The following VSTM2L variants were observed in gnomAD, a reference collection of about 807,000 sequenced individuals.
VSTM2L encodes V-set and transmembrane domain containing 2 like, also known as V-set and transmembrane domain-containing protein 2-like protein.
Under a neutral mutation model 19.9 loss-of-function variants are expected in VSTM2L, and 9 were observed. That is an observed-to-expected ratio of 0.45 (90% confidence interval 0.27 to 0.79). VSTM2L has a LOEUF of 0.79. Ranked by LOEUF, VSTM2L falls within the 30% of genes least tolerant of loss-of-function variation. The pLI is 0.15. For synonymous variants in VSTM2L, 127 were observed against 133.8 expected, an observed-to-expected ratio of 0.95 and a Z score of 0.35; for missense variants, 286 against 295.5, an observed-to-expected ratio of 0.97 and a Z score of 0.24.
At chr20:37,923,601 C>T (rs1406268115) in intron 1 of VSTM2L, among the ~76,000 whole-genome samples, 1 of 152,192 alleles carries the variant, frequency 6.6e-6, no homozygotes, top group African/African-American at 2.4e-5. Context: ...ATACCAGCCT[C>T]CCTGGGGACT....
At chr20:37,929,941 T>G (rs1210840144) in intron 1 of VSTM2L, among the ~76,000 whole-genome samples, 1 of 152,036 alleles carries the variant, frequency 6.6e-6, no homozygotes, top group Non-Finnish European at 1.5e-5. Flanking sequence ...ATAAGAAGGG[T>G]CACAGCTTTG....
In VSTM2L at chr20:37,920,361, A is replaced by G. The variant is rs373912895; in HGVS notation, c.122-11274A>G. On this transcript the variant is annotated intron_variant, in intron 1 of 3. Transcript: ENST00000373461. The stretch of plus-strand genomic sequence containing the variant: ...CCTTCCTGTTGCATCGTGGGCTCCA[A>G]TCAGAAAGATGATGCCACGGGGCTG... Among the ~76,000 whole-genome samples, 37 of 152,368 alleles carry G rather than the reference A, an allele frequency of 2.4e-4. 2 individuals are homozygous for G. Among genetic ancestry groups the G allele is most frequent in the Admixed American group, 1.6e-3 (25 of 15,310 alleles).
intron 1 of VSTM2L, among the ~76,000 whole-genome samples, chr20:37,920,034 G>C (rs1264020226): frequency 6.6e-6 from 1 of 152,198 alleles, no homozygotes; most frequent in Non-Finnish European, 1.5e-5. Flanking sequence ...CAGGTTCTCT[G>C]AGCTTTGGTT....
At position 37,944,302 on chromosome 20, in the gene VSTM2L, A is replaced by C. The variant is rs1431284798; in HGVS notation, c.*49A>C. 2.2e-6 allele frequency: 3 copies of C among 1,382,968 alleles called. No homozygotes were observed. The highest frequency in any genetic ancestry group is 3.3e-5 in the South Asian group (2 of 60,716). 85.7% of individuals were successfully genotyped at this position (1,382,968 alleles called of 1,614,324 possible). On this transcript the variant is annotated 3_prime_UTR_variant, in exon 4 of 4. Transcript: ENST00000373461. ...TCCGCCCCCACGCTGTACAGAGTGC[A>C]TGAGGAGCCGCCGGACCACCGGGGA...
intron 1 of VSTM2L, among the ~76,000 whole-genome samples, chr20:37,918,249 A>C (rs1435447952): frequency 6.6e-6 from 1 of 152,148 alleles, no homozygotes; most frequent in Non-Finnish European, 1.5e-5. Flanking sequence ...GGTGGGAACT[A>C]GTGATGGGTT....
chr20:37,905,213 A>G (rs1438599609), intron 1 of VSTM2L, among the ~76,000 whole-genome samples: 3 of 152,044 alleles, frequency 2.0e-5, no homozygotes, highest in Non-Finnish European at 4.4e-5. Flanking sequence ...GTCCCTTGGC[A>G]CAGTTGGAAC....
intron 1 of VSTM2L, among the ~76,000 whole-genome samples, chr20:37,914,365 TATATGTGTGTGG>T (rs1299000412): frequency 1.8e-3 from 266 of 149,324 alleles, no homozygotes; most frequent in Middle Eastern, 7.2e-3. Flanking sequence ...GGGGTGTTTA[TATATGTGTGTGG>T]GTGTATGTGT....
At chr20:37,936,969 C>A (rs1441804108) in intron 3 of VSTM2L, among the ~76,000 whole-genome samples, 1 of 152,020 alleles carries the variant, frequency 6.6e-6, no homozygotes, top group Non-Finnish European at 1.5e-5. Flanking sequence ...ACCTGTAATC[C>A]CAGCGCTTTG....
intron 1 of VSTM2L, among the ~76,000 whole-genome samples, chr20:37,924,278 C>T (rs1020397569): frequency 6.6e-6 from 1 of 150,820 alleles, no homozygotes; most frequent in African/African-American, 2.4e-5. Flanking sequence ...CATGGCCAGG[C>T]GCGATGGCTC....
rs1038227112 is a variant in VSTM2L, at chr20:37,931,930, G to C, written c.291+126G>C. On this transcript the variant is annotated intron_variant, in intron 2 of 3. Transcript: ENST00000373461. ...CCAACGCTGTTCTCCACACCACACA[G>C]CTGTCTCCCTCCCTTCTTCCTCCTG... 3 of 1,126,898 alleles carry C rather than the reference G, an allele frequency of 2.7e-6. No individual in the cohort carries two copies. In the African/African-American group the frequency reaches 4.7e-5, roughly 18 times the overall value. The allele number at this position is 1,126,898 out of a possible 1,614,324, so 69.8% of individuals were successfully genotyped here.
chr20:37,938,240 C>T (rs946367816), intron 3 of VSTM2L, among the ~76,000 whole-genome samples: 9 of 152,150 alleles, frequency 5.9e-5, no homozygotes, highest in African/African-American at 7.2e-5. Flanking sequence ...GTGGAGTGTG[C>T]AGAGTGCAGA....
chr20:37,944,440 T>G lies in VSTM2L; in HGVS notation c.*187T>G. The G allele has an allele frequency of 1.8e-5, 18 of 989,728 alleles. No individual in the cohort carries two copies. Among genetic ancestry groups the G allele is most frequent in the Non-Finnish European group, 2.4e-5 (18 of 743,872 alleles). 61.3% of individuals were successfully genotyped at this position (989,728 alleles called of 1,614,324 possible). A position where few individuals can be genotyped will look rare whatever the true frequency, so the allele number is the denominator to read the frequency against. On this transcript the variant is annotated 3_prime_UTR_variant, in exon 4 of 4. Coordinates refer to ENST00000373461, the MANE Select transcript of VSTM2L (RefSeq NM_080607.3). ...TGTAAGCCCCACCCACCCCTGCCCT[T>G]TCAGACCCCTGCGGTGACCTGGCTC... is the stretch of plus-strand genomic sequence containing the variant.
intron 1 of VSTM2L, among the ~76,000 whole-genome samples, chr20:37,930,037 C>G (rs1364176943): frequency 6.6e-6 from 1 of 152,190 alleles, no homozygotes; most frequent in African/African-American, 2.4e-5. Flanking sequence ...CTAACCAGGC[C>G]TTGTTTACAG....
chr20:37,909,753 T>TC lies in VSTM2L; in HGVS notation c.121+6284dup, dbSNP rs531002518. Among the ~76,000 whole-genome samples the TC allele has an allele frequency of 1.9e-3, 293 of 151,856 alleles. 2 individuals carry two copies. The highest frequency in any genetic ancestry group is 6.0e-3 in the African/African-American group (250 of 41,374). ...TGCTGCAGCCATGAGGATGGGGGAG[T>TC]CCAAGGGTCGCGCCCTTCTCCCCTG... On this transcript the variant is annotated intron_variant, in intron 1 of 3. Transcript: ENST00000373461.
At chr20:37,934,387 C>T (rs1035559871) in intron 3 of VSTM2L, among the ~76,000 whole-genome samples, 7 of 152,076 alleles carry the variant, frequency 4.6e-5, no homozygotes, top group South Asian at 2.1e-4. Flanking sequence ...GGCCATGCAA[C>T]GAGGCAAGGT....
intron 1 of VSTM2L, among the ~76,000 whole-genome samples, chr20:37,915,818 C>T (rs779086926): frequency 6.6e-6 from 1 of 152,076 alleles, no homozygotes; most frequent in Non-Finnish European, 1.5e-5. Flanking sequence ...GCCACCACCA[C>T]CCTACCCACT....
intron 1 of VSTM2L, among the ~76,000 whole-genome samples, chr20:37,915,096 G>T (rs1416730335): frequency 6.6e-6 from 1 of 152,244 alleles, no homozygotes; most frequent in Non-Finnish European, 1.5e-5. Context: ...GGCGGCCAGA[G>T]CGCAGGATAG....
At chr20:37,910,453 C>T (rs1322677998) in intron 1 of VSTM2L, among the ~76,000 whole-genome samples, 4 of 152,182 alleles carry the variant, frequency 2.6e-5, no homozygotes, top group Non-Finnish European at 4.4e-5. Context: ...GAAGCTTGGT[C>T]ATTCATTCAT....
intron 2 of VSTM2L, among the ~76,000 whole-genome samples, chr20:37,932,344 T>A (rs535938096): frequency 7.2e-5 from 11 of 152,262 alleles, no homozygotes; most frequent in Admixed American, 5.9e-4. Context: ...CTGTGGGGGC[T>A]CTGCCCCATG....
Sources: allele counts gnomAD v4.1 joint callset (sites outside exome capture counted in the v4.1 genomes callset), GRCh38; gene constraint gnomAD v4.1.1; transcripts MANE v1.5; gene names NCBI Gene and HGNC (gene_info 2026-07-23, HGNC 2026-07-21).